PRELID2: variants seen among roughly 807,000 people sequenced by gnomAD.
The protein encoded by PRELID2 is PRELI domain containing 2.
PRELID2 carries 25 observed loss-of-function variants against 28.4 expected under a neutral mutation model. The observed-to-expected ratio is 0.88, with a 90% CI of 0.64 to 1.23. The LOEUF is 1.23. Ranked by LOEUF, PRELID2 falls within the 50% of genes most tolerant of loss-of-function variation. The pLI is 0.00. For synonymous variants in PRELID2, 76 were observed against 71.6 expected (o/e 1.06, Z -0.31); for missense variants, 201 against 214.4 (o/e 0.94, Z 0.39).
intron 2 of PRELID2, among the ~76,000 whole-genome samples, chr5:145,821,556 T>C (rs1013161780): frequency 6.6e-6 from 1 of 152,238 alleles, no homozygotes; most frequent in Non-Finnish European, 1.5e-5. Context: ...TTCTGCTTTG[T>C]GAATCACTGT....
chr5:145,713,972 T>A (rs1334125417), intron 1 of PRELID2, among the ~76,000 whole-genome samples: 1 of 151,744 alleles, frequency 6.6e-6, no homozygotes, highest in Non-Finnish European at 1.5e-5. Flanking sequence ...ATAAGCACAT[T>A]TTCACATAAA....
At chr5:145,310,286 G>A in the PRELID2 span, among the ~76,000 whole-genome samples, 1 of 152,190 alleles carries the variant, frequency 6.6e-6, no homozygotes, top group Non-Finnish European at 1.5e-5. Flanking sequence ...GATAGAGGGA[G>A]AGAATGTGAT....
chr5:145,831,505 A>G (rs1258104155), intron 1 of PRELID2, among the ~76,000 whole-genome samples: 1 of 152,218 alleles, frequency 6.6e-6, no homozygotes, highest in Non-Finnish European at 1.5e-5. Flanking sequence ...CATAATGATC[A>G]AGATCCAGGT....
At chr5:145,634,946 A>G (rs1453347248) in intron 1 of PRELID2, among the ~76,000 whole-genome samples, 3 of 152,228 alleles carry the variant, frequency 2.0e-5, no homozygotes, top group Non-Finnish European at 4.4e-5. Context: ...AACACTCTGT[A>G]GCAGCCAGTC....
Position 145,649,131 on chromosome 5 carries a change from TAAAAAC to T in PRELID2, n.70+115794_70+115799del, listed in dbSNP as rs1297023274. Among the ~76,000 whole-genome samples the T allele has an allele frequency of 2.0e-5, 3 of 151,974 alleles. No homozygotes were observed. In the East Asian group the frequency reaches 5.8e-4, roughly 29 times the overall value. On this transcript the variant is annotated intron_variant and non_coding_transcript_variant, in intron 1 of 2. Transcript: ENST00000510259. ...AGGCAAAAATAAAAAATAATACAAA[TAAAAAC>T]AATACAGTATAACAACTATTCCTGT...
chr5:145,598,953 C>A (rs1251752646), intron 1 of PRELID2, among the ~76,000 whole-genome samples: 1 of 152,042 alleles, frequency 6.6e-6, no homozygotes, highest in Non-Finnish European at 1.5e-5. Context: ...GCAAACATAC[C>A]AACCATATAT....
At chr5:145,551,923 G>A (rs1370572381) in intron 1 of PRELID2, among the ~76,000 whole-genome samples, 5 of 152,014 alleles carry the variant, frequency 3.3e-5, no homozygotes, top group Non-Finnish European at 7.4e-5. Flanking sequence ...AGGTACCAGG[G>A]CAATACATAC....
Position 145,479,845 on chromosome 5 carries a change from C to CA in PRELID2, n.71-6531dup, listed in dbSNP as rs541542180. 9.2e-5 allele frequency among the ~76,000 whole-genome samples: 14 copies of CA among 151,804 alleles called. No individual in the cohort carries two copies. The South Asian group carries it at 1.7e-3, about 18-fold the overall frequency. ...TTGTCATTTTCTTCCTCATAGATGA[C>CA]AAAAAAGGGGGGTAAGATAACCCCA... On this transcript the variant is annotated intron_variant and non_coding_transcript_variant, in intron 1 of 2. Transcript: ENST00000510259.
intron 1 of PRELID2, among the ~76,000 whole-genome samples, chr5:145,735,910 A>G (rs1756483123): frequency 6.6e-6 from 1 of 152,194 alleles, no homozygotes; most frequent in African/African-American, 2.4e-5. Flanking sequence ...GACTAAAACA[A>G]TCTTACTCGG....
the PRELID2 span, among the ~76,000 whole-genome samples, chr5:145,305,694 C>A: frequency 2.0e-5 from 3 of 152,030 alleles, no homozygotes; most frequent in African/African-American, 7.2e-5. Flanking sequence ...AAAGGCCCTG[C>A]AGAACTTACA....
the PRELID2 span, among the ~76,000 whole-genome samples, chr5:145,249,238 C>T: frequency 4.6e-5 from 7 of 152,136 alleles, no homozygotes; most frequent in Non-Finnish European, 8.8e-5. Flanking sequence ...TGCCCCTTCC[C>T]GGCACACAAG....
At chr5:145,674,691 C>T (rs1198655109) in intron 1 of PRELID2, among the ~76,000 whole-genome samples, 1 of 152,110 alleles carries the variant, frequency 6.6e-6, no homozygotes, top group Non-Finnish European at 1.5e-5. Context: ...TGCCTGTAAT[C>T]CCATAACTTT....
At chr5:145,284,109 G>T in the PRELID2 span, among the ~76,000 whole-genome samples, 48 of 152,024 alleles carry the variant, frequency 3.2e-4, no homozygotes, top group Non-Finnish European at 5.9e-4. Context: ...CTATAAAATG[G>T]GGATAATAAT....
At chr5:145,337,481 C>T in the PRELID2 span, among the ~76,000 whole-genome samples, 1 of 151,710 alleles carries the variant, frequency 6.6e-6, no homozygotes, top group East Asian at 1.9e-4. Flanking sequence ...ACTGCCCCTG[C>T]TTCAGATTCC....
the PRELID2 span, among the ~76,000 whole-genome samples, chr5:145,454,120 G>C: frequency 6.6e-6 from 1 of 152,052 alleles, no homozygotes; most frequent in Non-Finnish European, 1.5e-5. Context: ...ATCCTCTCCA[G>C]CATCTTCTGT....
At chr5:145,697,034 TA>T (rs1232785077) in intron 1 of PRELID2, among the ~76,000 whole-genome samples, 1,709 of 6,766 alleles carry the variant, frequency 0.25, 82 homozygotes, top group African/African-American at 0.45. Flanking sequence ...AGAGGAAAAT[TA>T]TATATATATA....
At chr5:145,525,370 T>G (rs1252397103) in intron 1 of PRELID2, among the ~76,000 whole-genome samples, 3 of 152,214 alleles carry the variant, frequency 2.0e-5, no homozygotes, top group Non-Finnish European at 2.9e-5. Context: ...ACCCTTGTTC[T>G]CCAAGAATGG....
At chr5:145,443,174 G>C in the PRELID2 span, among the ~76,000 whole-genome samples, 2 of 152,038 alleles carry the variant, frequency 1.3e-5, no homozygotes, top group African/African-American at 4.8e-5. Context: ...CGTTCTGGCA[G>C]TCCAACCTGG....
In PRELID2 at chr5:145,671,334, G is replaced by T. The variant is rs774662746; in HGVS notation, n.70+93597C>A. ...CTCAGAATCCCAACAAAACTTTTAG[G>T]TCCAATAGAGTACTGAAATCCAGGT... On this transcript the variant is annotated intron_variant and non_coding_transcript_variant, in intron 1 of 2. Transcript: ENST00000510259. Among the ~76,000 whole-genome samples the T allele has an allele frequency of 3.2e-4, 49 of 152,052 alleles. 1 individual carries two copies. Among genetic ancestry groups the T allele is most frequent in the Non-Finnish European group, 1.5e-4 (10 of 68,000 alleles).
Sources: allele counts gnomAD v4.1 joint callset (sites outside exome capture counted in the v4.1 genomes callset), GRCh38; gene constraint gnomAD v4.1.1; transcripts MANE v1.5; gene names NCBI Gene and HGNC (gene_info 2026-07-23, HGNC 2026-07-21).